TSPEAR: variants seen among roughly 807,000 people sequenced by gnomAD.
TSPEAR encodes the protein thrombospondin type laminin G domain and EAR repeats.
In TSPEAR, 69 loss-of-function variants were observed where a neutral mutation model predicts 71.6. The ratio of observed to expected loss-of-function variants is 0.96; its 90% confidence interval spans 0.79 to 1.18. The LOEUF (loss-of-function observed/expected upper bound fraction) is 1.18, where lower values mean the gene tolerates loss of function less well. Ranked by LOEUF, TSPEAR falls within the 50% of genes most tolerant of loss-of-function variation. The probability of loss-of-function intolerance (pLI) is 0.00; values close to 1 mark genes in which losing one functional copy is unlikely to be tolerated. For synonymous variants in TSPEAR, 402 were observed against 387.2 expected (o/e 1.04, Z -0.45); for missense variants, 971 against 894.9 (o/e 1.09, Z -1.09).
chr21:44,523,137 GTTAAT>G (rs2052770287), intron 8 of TSPEAR, among the ~76,000 whole-genome samples: 2 of 139,864 alleles, frequency 1.4e-5, no homozygotes, highest in South Asian at 4.2e-4. Context: ...CAGCCAGTCA[GTTAAT>G]TTGTCAGTCA....
chr21:44,531,089 G>C lies in TSPEAR; in HGVS notation c.587C>G (p.Ala196Gly). 1 of 1,613,844 alleles carries C rather than the reference G, an allele frequency of 6.2e-7. No homozygotes were observed. The change falls in exon 4 of 12, where the codon GCT (alanine) becomes GGT (glycine). Residue 196 changes from alanine (A) to glycine (G), a missense_variant. Transcript: ENST00000323084. Reference protein sequence around the residue: ...PFPATLSVKGARFFVGSRRRA... With the variant: ...PFPATLSVKGGRFFVGSRRRA... ...CCTCCGGCTGCCGACGAAGAATCGA[G>C]CTCCTTTCACTGACAGGGTGGCTGG...
At chr21:44,521,861 G>A (rs374860475) in intron 9 of TSPEAR, 22 bp downstream of exon 9, 1 of 1,604,598 alleles carries the variant, frequency 6.2e-7, no homozygotes, top group Non-Finnish European at 8.5e-7. Flanking sequence ...TGGAGAGCCG[G>A]GGCTCATGCG....
rs1988209240 is a variant in TSPEAR at position 44,711,325 on chromosome 21, C to A, written c.82+108G>T. The A allele has an allele frequency of 2.9e-6, 3 of 1,037,784 alleles. No individual in the cohort carries two copies. Among genetic ancestry groups the A allele is most frequent in the Non-Finnish European group, 4.3e-6 (3 of 705,202 alleles). 64.3% of individuals were successfully genotyped at this position (1,037,784 alleles called of 1,614,324 possible). A position where few individuals can be genotyped will look rare whatever the true frequency, so the allele number is the denominator to read the frequency against. The stretch of plus-strand genomic sequence containing the variant: ...CCTGCCAGTCCTGCCAAAGCGTCCT[C>A]GGGCACCGCGGCTTGAATCAGTGTT... On this transcript the variant is annotated intron_variant, in intron 1 of 11. Transcript: ENST00000323084. The surrounding 1 kb of genome is among the most constrained non-coding windows in gnomAD (Gnocchi z 4.5).
intron 2 of TSPEAR, chr21:44,540,224 CTGAG>C (rs374519756): frequency 5.7e-6 from 9 of 1,571,892 alleles, no homozygotes; most frequent in Non-Finnish European, 7.8e-6. Flanking sequence ...GTGTGAGTGA[CTGAG>C]TGTGTGAGTG....
At chr21:44,529,416 G>A (rs587655904) in intron 5 of TSPEAR, among the ~76,000 whole-genome samples, 1 of 152,336 alleles carries the variant, frequency 6.6e-6, no homozygotes, top group South Asian at 2.1e-4. Context: ...TGGGACAGAG[G>A]CGGGGTGGGG....
At chr21:44,685,224 G>T (rs1440019629) in intron 1 of TSPEAR, among the ~76,000 whole-genome samples, 5 of 152,210 alleles carry the variant, frequency 3.3e-5, no homozygotes, top group Admixed American at 6.5e-5. Flanking sequence ...GCCCCTGGGA[G>T]CTGCCTGGGA....
chr21:44,534,035 G>A, intron 2 of TSPEAR, 112 bp from the exon 3 acceptor site: 1 of 790,970 alleles, frequency 1.3e-6, no homozygotes, highest in South Asian at 1.6e-5. Flanking sequence ...AGGAGCAGGG[G>A]CTGACTGGAG....
In TSPEAR at chr21:44,608,370, T is replaced by A. The variant is rs1474753396; in HGVS notation, c.83-40365A>T. Among the ~76,000 whole-genome samples, 8 of 152,212 alleles carry A rather than the reference T, an allele frequency of 5.3e-5. No homozygotes were observed. In the East Asian group the frequency reaches 1.5e-3, roughly 29 times the overall value. On this transcript the variant is annotated intron_variant, in intron 1 of 11. Coordinates refer to ENST00000323084, the MANE Select transcript of TSPEAR (RefSeq NM_144991.3). ...CTTCCCATCTCTGTGTTAAGTGACA[T>A]TGTCTTGGTAGCTTGGATTTAGCTG...
At chr21:44,640,515 G>T (rs1983965628) in intron 1 of TSPEAR, among the ~76,000 whole-genome samples, 2 of 152,230 alleles carry the variant, frequency 1.3e-5, no homozygotes, top group African/African-American at 4.8e-5. Context: ...TGCACTTACA[G>T]TGGGTGAACT....
At chr21:44,578,187 T>A (rs1978590292) in intron 1 of TSPEAR, among the ~76,000 whole-genome samples, 1 of 152,152 alleles carries the variant, frequency 6.6e-6, no homozygotes, top group Non-Finnish European at 1.5e-5. Context: ...AACTAATACA[T>A]CAGGAATGAA....
Position 44,612,273 on chromosome 21 carries a change from C to G in TSPEAR, c.83-44268G>C. The G allele has an allele frequency of 6.2e-7, 1 of 1,613,600 alleles. No individual in the cohort carries two copies. Among genetic ancestry groups the G allele is most frequent in the Non-Finnish European group, 8.5e-7 (1 of 1,180,000 alleles). On this transcript the variant is annotated intron_variant, in intron 1 of 11. Transcript: ENST00000323084. The surrounding 1 kb of genome is among the most constrained non-coding windows in gnomAD (Gnocchi z 4.1). ...TGCTGCGAGCCCCGCTCCTGTGCCT[C>G]CAGCTGCTGTACCCCTAGCTGCTGT...
chr21:44,575,335 C>CCTG, intron 1 of TSPEAR: 2 of 366,942 alleles, frequency 5.5e-6, no homozygotes, highest in Non-Finnish European at 5.2e-6. Context: ...CGCCCTCAAG[C>CCTG]TGACCAATAA....
chr21:44,573,703 C>T (rs1978294494), intron 1 of TSPEAR: 1 of 1,581,066 alleles, frequency 6.3e-7, no homozygotes, highest in Admixed American at 1.7e-5. Flanking sequence ...CACTCACTCG[C>T]TCACCCACTC....
intron 1 of TSPEAR, among the ~76,000 whole-genome samples, chr21:44,658,720 A>G (rs781277412): frequency 1.2e-3 from 190 of 152,174 alleles, no homozygotes; most frequent in Non-Finnish European, 2.3e-3. Context: ...CAAGCCTTGC[A>G]CTGTGGGGTA....
In TSPEAR at chr21:44,697,984, C is replaced by T; in HGVS notation, c.82+13449G>A. On this transcript the variant is annotated intron_variant, in intron 1 of 11. Coordinates refer to ENST00000323084, the MANE Select transcript of TSPEAR (RefSeq NM_144991.3). ...AGTCCAGCTGCTGCCAGGCATGTCC[C>T]CCAGGGCCACTGGGCACTATGAGTC... is the stretch of plus-strand genomic sequence containing the variant. The T allele has an allele frequency of 2.5e-6, 4 of 1,579,254 alleles. No individual in the cohort carries two copies. The South Asian group carries it at 3.6e-5, about 14-fold the overall frequency.
intron 1 of TSPEAR, among the ~76,000 whole-genome samples, chr21:44,599,997 C>T (rs1467136914): frequency 2.0e-5 from 3 of 152,198 alleles, no homozygotes; most frequent in Non-Finnish European, 2.9e-5. Flanking sequence ...AGGGGGTGCA[C>T]GGCCCCCCAG....
chr21:44,550,703 C>G, intron 2 of TSPEAR: 1 of 1,613,908 alleles, frequency 6.2e-7, no homozygotes, highest in Non-Finnish European at 8.5e-7. Flanking sequence ...AGCAGCTAGA[C>G]TTTTGGCCTG....
intron 2 of TSPEAR, chr21:44,557,733 G>A (rs941162001): frequency 2.3e-5 from 9 of 384,122 alleles, no homozygotes; most frequent in Admixed American, 4.1e-5. Flanking sequence ...CCCACCCCAC[G>A]CGGCACGTTG....
intron 1 of TSPEAR, chr21:44,682,215 C>T: frequency 7.0e-7 from 1 of 1,434,418 alleles, no homozygotes; most frequent in Non-Finnish European, 9.5e-7. Context: ...CCCAGGCATC[C>T]CCACAGCACA....
Sources: gnomAD v4.1 joint callset for allele counts (sites outside exome capture counted in the v4.1 genomes callset) on GRCh38, gnomAD v4.1.1 for gene constraint, Gnocchi (gnomAD v3.1) non-coding constraint, MANE v1.5 for transcripts, NCBI Gene and HGNC (gene_info 2026-07-23, HGNC 2026-07-21) for gene names.